The following MYO16 variants were observed in gnomAD, a reference collection of about 807,000 sequenced individuals.
MYO16 encodes the protein myosin XVI, also known as unconventional myosin-XVI.
MYO16 carries 94 observed loss-of-function variants against 205.3 expected under a neutral mutation model. That is an observed-to-expected ratio of 0.46 (90% CI 0.39 to 0.54). MYO16 has a LOEUF of 0.54. MYO16 is among the 20% of genes least tolerant of loss of function. The pLI is 0.00. For synonymous variants in MYO16, 988 were observed against 954.0 expected (o/e 1.04, Z -0.66); for missense variants, 2,315 against 2,387.5 (o/e 0.97, Z 0.63).
In MYO16 at chr13:109,140,789, C is replaced by A; in HGVS notation, c.4577C>A (p.Pro1526His). 1 of 1,576,688 alleles carries A rather than the reference C, an allele frequency of 6.3e-7. No homozygotes were observed. The highest frequency in any genetic ancestry group is 2.5e-5 in the East Asian group (1 of 40,476). ...CCCCCGACCCCCGTCACCTGCTCCC[C>A]CGCCTCCGACGAGTCGCCCCTGACA... The part of the protein sequence containing the change: ...VFPPTPVTCS[P>H]ASDESPLTPL... The change falls in exon 32 of 35, where the codon CCC becomes CAC. Residue 1526 changes from proline to histidine, a missense_variant. Pro to His is a moderately conservative substitution (Grantham distance 77). This residue lies in a region of MYO16 where 1,097 missense variants were observed against 1,092.0 expected (regional missense o/e 1.00). Coordinates refer to ENST00000457511, the MANE Select transcript of MYO16 (RefSeq NM_001198950.3). The surrounding 1 kb of genome is among the most constrained non-coding windows in gnomAD (Gnocchi z 8.0).
intron 2 of MYO16, among the ~76,000 whole-genome samples, chr13:108,688,816 T>C (rs974039431): frequency 3.3e-5 from 5 of 152,166 alleles, no homozygotes; most frequent in African/African-American, 9.7e-5. Context: ...TTGGAAGCAG[T>C]GATGTGTGAG....
rs374497647 is a variant in MYO16 at position 108,957,684 on chromosome 13, A to G, written c.1926-4A>G. The G allele has an allele frequency of 1.9e-6, 3 of 1,601,572 alleles. No homozygotes were observed. The highest frequency in any genetic ancestry group is 2.6e-6 in the Non-Finnish European group (3 of 1,169,520). On this transcript the variant is annotated splice_region_variant and splice_polypyrimidine_tract_variant and intron_variant, in intron 16 of 34. Transcript: ENST00000457511. Reference sequence around the variant, plus strand: ...ATAACGTTACGTGCCTTGTCTCCTAACAGGTATTTGAACCAGACCATACAG... The same window carrying G: ...ATAACGTTACGTGCCTTGTCTCCTAGCAGGTATTTGAACCAGACCATACAG...
At chr13:108,816,414 C>CT (rs10638450) in intron 7 of MYO16, among the ~76,000 whole-genome samples, 41 of 148,962 alleles carry the variant, frequency 2.8e-4, no homozygotes, top group East Asian at 1.4e-3. Flanking sequence ...GAAGTAGCGC[C>CT]CCCCACCCAC....
intron 4 of MYO16, among the ~76,000 whole-genome samples, chr13:108,757,481 G>GT (rs1566589815): frequency 1.4e-5 from 2 of 146,704 alleles, no homozygotes; most frequent in Non-Finnish European, 1.5e-5. Context: ...AGTTTTTTGG[G>GT]GTTTTTTTTA....
intron 4 of MYO16, among the ~76,000 whole-genome samples, chr13:108,775,874 A>G (rs1475922511): frequency 1.3e-5 from 2 of 152,170 alleles, no homozygotes; most frequent in Admixed American, 6.5e-5. Flanking sequence ...GACATTAATC[A>G]AGTTTTCTGG....
At chr13:108,654,842 T>C (rs1034826685) in intron 1 of MYO16, among the ~76,000 whole-genome samples, 13 of 152,088 alleles carry the variant, frequency 8.5e-5, no homozygotes, top group Admixed American at 3.3e-4. Flanking sequence ...AATGGTGGCA[T>C]TTTGCCCCTA....
At chr13:108,637,084 A>G (rs1566519792) in intron 1 of MYO16, among the ~76,000 whole-genome samples, 1 of 152,238 alleles carries the variant, frequency 6.6e-6, no homozygotes, top group African/African-American at 2.4e-5. Flanking sequence ...ATATGTATGC[A>G]TATATACACA....
chr13:108,565,244 A>G, the MYO16 span, among the ~76,000 whole-genome samples: 1 of 152,198 alleles, frequency 6.6e-6, no homozygotes, highest in Admixed American at 6.5e-5. Context: ...GACAAATATT[A>G]CATTGAATCT....
chr13:108,682,995 G>A (rs915160543), intron 2 of MYO16, among the ~76,000 whole-genome samples: 7 of 152,142 alleles, frequency 4.6e-5, no homozygotes, highest in African/African-American at 1.4e-4. Context: ...CAAGGGTGCT[G>A]TATAAATGGC....
intron 27 of MYO16, among the ~76,000 whole-genome samples, chr13:109,075,307 C>T (rs957581703): frequency 1.1e-4 from 12 of 108,092 alleles, no homozygotes; most frequent in African/African-American, 3.5e-4. Context: ...TTTGTCTTCC[C>T]GTCTCCTGTC....
Position 108,676,319 on chromosome 13 carries a change from G to A in MYO16, c.292+10170G>A, listed in dbSNP as rs188723578. ...GGAAAAATTTACATTATTAAGGAGCGCTGAGCAATATTTTTATTCATTGTT... is the reference window on the plus strand; with the variant it reads ...GGAAAAATTTACATTATTAAGGAGCACTGAGCAATATTTTTATTCATTGTT... On this transcript the variant is annotated intron_variant, in intron 2 of 34. Transcript: ENST00000457511. Among the ~76,000 whole-genome samples, 8 of 151,134 alleles carry A rather than the reference G, an allele frequency of 5.3e-5. No homozygotes were observed. The South Asian group carries it at 1.7e-3, about 32-fold the overall frequency.
intron 33 of MYO16, among the ~76,000 whole-genome samples, chr13:109,176,601 A>AAAAAAAAAAAAAAAAAAAG (rs1879198766): frequency 6.7e-6 from 1 of 148,272 alleles, no homozygotes; most frequent in African/African-American, 2.5e-5. Context: ...AAAAAAAAAA[A>AAAAAAAAAAAAAAAAAAAG]GACCTCCTTT....
intron 27 of MYO16, among the ~76,000 whole-genome samples, chr13:109,084,925 C>G (rs542930158): frequency 6.6e-6 from 1 of 152,222 alleles, no homozygotes; most frequent in South Asian, 2.1e-4. Flanking sequence ...AGCATCTAGA[C>G]CAGTCAGTGT....
intron 4 of MYO16, among the ~76,000 whole-genome samples, chr13:108,784,671 G>T (rs1364426899): frequency 6.6e-6 from 1 of 152,070 alleles, no homozygotes; most frequent in South Asian, 2.1e-4. Context: ...GTTATAAATT[G>T]GTATATAAGA....
intron 16 of MYO16, among the ~76,000 whole-genome samples, chr13:108,910,872 C>T (rs921349165): frequency 3.3e-5 from 5 of 151,796 alleles, no homozygotes; most frequent in African/African-American, 9.7e-5. Context: ...CGGTGGGGGG[C>T]GGTGGTGGGA....
rs949996855 is a variant in MYO16, at chr13:109,080,154, C to T, written c.3336-20631C>T. Among the ~76,000 whole-genome samples, 6 of 152,234 alleles carry T rather than the reference C, an allele frequency of 3.9e-5. No homozygotes were observed. In the South Asian group the frequency reaches 6.2e-4, roughly 16 times the overall value. On this transcript the variant is annotated intron_variant, in intron 27 of 34. Transcript: ENST00000457511. ...CCTCCCAAAGTGCTGGGATTACAGG[C>T]ATGAGCCACCATGTCCAGCCTGAAC...
At chr13:108,549,298 G>A in the MYO16 span, among the ~76,000 whole-genome samples, 1 of 152,106 alleles carries the variant, frequency 6.6e-6, no homozygotes, top group Non-Finnish European at 1.5e-5. Flanking sequence ...GGTTTTGAAG[G>A]GGAAAAAGGG....
chr13:108,851,048 A>G (rs571452568), intron 10 of MYO16, among the ~76,000 whole-genome samples: 10 of 152,212 alleles, frequency 6.6e-5, no homozygotes, highest in Admixed American at 3.9e-4. Flanking sequence ...AATTGTTAGC[A>G]TCGTGACTGT....
chr13:109,094,984 A>G (rs909620700), intron 27 of MYO16, among the ~76,000 whole-genome samples: 6 of 152,186 alleles, frequency 3.9e-5, no homozygotes, highest in African/African-American at 1.4e-4. Flanking sequence ...ATTCCCTGCT[A>G]CATTCCCAGC....
Sources: allele counts gnomAD v4.1 joint callset (sites outside exome capture counted in the v4.1 genomes callset), GRCh38; gene constraint gnomAD v4.1.1; regional missense constraint gnomAD v4.1.1; non-coding constraint Gnocchi (gnomAD v3.1); transcripts MANE v1.5; gene names NCBI Gene and HGNC (gene_info 2026-07-23, HGNC 2026-07-21).